The following TFEB variants were observed in gnomAD, a reference collection of about 807,000 sequenced individuals.
TFEB encodes transcription factor EB.
Under a neutral mutation model 48.0 loss-of-function variants are expected in TFEB, and 12 were observed. The observed-to-expected ratio is 0.25, with a 90% CI of 0.16 to 0.40. The LOEUF (loss-of-function observed/expected upper bound fraction) is 0.40, where lower values mean the gene tolerates loss of function less well. Among genes scored for constraint, TFEB ranks in the 10% least tolerant of loss-of-function variants. The pLI is 1.00. For missense variants in TFEB, 509 were observed against 640.3 expected (o/e 0.79, Z 2.21); for synonymous variants, 244 against 261.4 (o/e 0.93, Z 0.64).
chr6:41,731,694 C>T (rs1323657543), intron 1 of TFEB, among the ~76,000 whole-genome samples: 7 of 152,306 alleles, frequency 4.6e-5, no homozygotes, highest in Non-Finnish European at 7.4e-5. Context: ...ACTTTACTGC[C>T]GTCCCATTCT....
Position 41,715,921 on chromosome 6 carries a change from T to C in TFEB, c.-23+19429A>G, listed in dbSNP as rs115390912. The stretch of plus-strand genomic sequence containing the variant: ...TGCAGCCTTGCAGACATCACCACTG[T>C]CGTGGTGCCTGGCTATAACAACTTC... On this transcript the variant is annotated intron_variant, in intron 1 of 8. Transcript: ENST00000373033. 6.1e-3 allele frequency among the ~76,000 whole-genome samples: 925 copies of C among 152,228 alleles called. 6 individuals are homozygous for C. The highest frequency in any genetic ancestry group is 9.0e-3 in the Non-Finnish European group (615 of 68,010).
At chr6:41,698,012 G>C (rs1486633632) in intron 1 of TFEB, among the ~76,000 whole-genome samples, 2 of 151,954 alleles carry the variant, frequency 1.3e-5, no homozygotes, top group African/African-American at 4.8e-5. Context: ...TCTTTCTCTA[G>C]AATGAAGATG....
intron 1 of TFEB, among the ~76,000 whole-genome samples, chr6:41,718,062 G>C (rs1770812606): frequency 6.6e-6 from 1 of 152,180 alleles, no homozygotes; most frequent in Non-Finnish European, 1.5e-5. Context: ...TATATTTATG[G>C]AGTACAAGGT....
At chr6:41,726,024 G>C (rs914063109) in intron 1 of TFEB, among the ~76,000 whole-genome samples, 2 of 152,326 alleles carry the variant, frequency 1.3e-5, no homozygotes, top group East Asian at 3.9e-4. Flanking sequence ...TAGGAGAATC[G>C]CTTGAGCTGG....
At chr6:41,699,512 C>T (rs964836974) in intron 1 of TFEB, among the ~76,000 whole-genome samples, 13 of 152,164 alleles carry the variant, frequency 8.5e-5, no homozygotes, top group Non-Finnish European at 1.5e-5. Context: ...GTTTCCTCTC[C>T]AAAAGCCTTG....
At chr6:41,726,190 A>G (rs1771200498) in intron 1 of TFEB, among the ~76,000 whole-genome samples, 1 of 152,144 alleles carries the variant, frequency 6.6e-6, no homozygotes, top group South Asian at 2.1e-4. Flanking sequence ...TCACAAATAC[A>G]CTGTTGGGTG....
At position 41,723,003 on chromosome 6, in the gene TFEB, A is replaced by G. The variant is rs569225165; in HGVS notation, c.-23+12347T>C. Among the ~76,000 whole-genome samples the G allele has an allele frequency of 8.5e-5, 13 of 152,202 alleles. No individual in the cohort carries two copies. Among genetic ancestry groups the G allele is most frequent in the Non-Finnish European group, 1.6e-4 (11 of 68,032 alleles). On this transcript the variant is annotated intron_variant, in intron 1 of 8. Coordinates refer to ENST00000373033, the MANE Select transcript of TFEB (RefSeq NM_001271944.2). This position sits in a 1 kb window ranked among gnomAD's most constrained non-coding sequence, Gnocchi z 6.0. ...CTGCAAAACGACAGGGCCAGGATTC[A>G]AGCAGGTGGATGTAGAGCATATGCT...
chr6:41,694,663 C>T (rs559347895), intron 1 of TFEB, among the ~76,000 whole-genome samples: 1 of 152,114 alleles, frequency 6.6e-6, no homozygotes, highest in East Asian at 1.9e-4. Flanking sequence ...CCCCTGACAC[C>T]CAGTCTAGCC....
chr6:41,690,597 C>G, intron 3 of TFEB, 66 bp downstream of exon 3: 1 of 1,449,242 alleles, frequency 6.9e-7, no homozygotes, highest in Admixed American at 2.5e-5. Context: ...GACTGGGAGT[C>G]TCAGAAGCAC....
Position 41,735,586 on chromosome 6 carries a change from C to T in TFEB, c.-259G>A. On this transcript the variant is annotated 5_prime_UTR_variant, in exon 1 of 9. Coordinates refer to ENST00000373033, the MANE Select transcript of TFEB (RefSeq NM_001271944.2). ...TGTCACCGAGCCCCGCGCCCGGCGC[C>T]CGGGCTCCGGCTGTCACTCCACGCA... The T allele has an allele frequency of 2.0e-6, 2 of 983,694 alleles. No homozygotes were observed. The highest frequency in any genetic ancestry group is 2.4e-6 in the Non-Finnish European group (2 of 828,606). The allele number at this position is 983,694 out of a possible 1,614,324, so 60.9% of individuals were successfully genotyped here.
intron 1 of TFEB, among the ~76,000 whole-genome samples, chr6:41,697,507 C>CG (rs1164092760): frequency 2.7e-5 from 4 of 150,710 alleles, no homozygotes; most frequent in South Asian, 2.1e-4. Flanking sequence ...CTCCAAACCC[C>CG]CCCCCTTCCC....
rs989157910 is a variant in TFEB at position 41,684,013 on chromosome 6, G to A, written c.*586C>T. On this transcript the variant is annotated 3_prime_UTR_variant, in exon 9 of 9. Coordinates refer to ENST00000373033, the MANE Select transcript of TFEB (RefSeq NM_001271944.2). ...AGTGTTTACTAAAGGCACAAAGTGA[G>A]GGGTCGGAGGGCAGCTGCTCTTCCG... The A allele has an allele frequency of 4.5e-6, 1 of 224,142 alleles. No homozygotes were observed. The highest frequency in any genetic ancestry group is 2.2e-5 in the African/African-American group (1 of 44,752). The allele number at this position is 224,142 out of a possible 1,614,324, so 13.9% of individuals were successfully genotyped here.
At chr6:41,690,360 C>A (rs1458950022) in intron 3 of TFEB, among the ~76,000 whole-genome samples, 1 of 152,124 alleles carries the variant, frequency 6.6e-6, no homozygotes, top group Middle Eastern at 3.2e-3. Flanking sequence ...AAACTCCTGA[C>A]CTCAAGTGAT....
intron 1 of TFEB, among the ~76,000 whole-genome samples, chr6:41,696,310 G>A (rs562303196): frequency 5.3e-5 from 8 of 152,258 alleles, no homozygotes; most frequent in South Asian, 2.1e-4. Context: ...AAGCATCCAC[G>A]TGTTCACCAA....
chr6:41,697,343 G>A lies in TFEB; in HGVS notation c.-22-6108C>T, dbSNP rs921098197. Among the ~76,000 whole-genome samples, 5 of 137,400 alleles carry A rather than the reference G, an allele frequency of 3.6e-5. No individual in the cohort carries two copies. In the East Asian group the frequency reaches 1.1e-3, roughly 31 times the overall value. 90.1% of individuals were successfully genotyped at this position (137,400 alleles called of 152,430 possible). On this transcript the variant is annotated intron_variant, in intron 1 of 8. Coordinates refer to ENST00000373033, the MANE Select transcript of TFEB (RefSeq NM_001271944.2). ...GAATTGCTTGAACCCGGGAGGCAGA[G>A]GTTGCAGTGAACTGAGATCACACCA...
chr6:41,687,607 G>T, intron 6 of TFEB, 146 bp downstream of exon 6: 1 of 973,942 alleles, frequency 1.0e-6, no homozygotes, highest in Non-Finnish European at 1.6e-6. Flanking sequence ...CTGAGCGACA[G>T]CAATGGGAGG....
At chr6:41,690,068 G>A (rs1769215450) in intron 3 of TFEB, among the ~76,000 whole-genome samples, 2 of 152,272 alleles carry the variant, frequency 1.3e-5, no homozygotes, top group Admixed American at 1.3e-4. Context: ...CTGGCTTGGG[G>A]AGTGTGCTGG....
chr6:41,705,899 GC>G (rs1485798440), intron 1 of TFEB: 2 of 152,196 alleles, frequency 1.3e-5, no homozygotes, highest in African/African-American at 4.8e-5. Flanking sequence ...CAGATTCACT[GC>G]CGGGAGAGGC....
intron 1 of TFEB, among the ~76,000 whole-genome samples, chr6:41,728,988 C>G (rs919629954): frequency 5.3e-5 from 8 of 152,218 alleles, no homozygotes; most frequent in Admixed American, 3.3e-4. Context: ...ATATGAGGCT[C>G]TCTTCTAGGT....
Sources: allele counts gnomAD v4.1 joint callset (sites outside exome capture counted in the v4.1 genomes callset), GRCh38; gene constraint gnomAD v4.1.1; non-coding constraint Gnocchi (gnomAD v3.1); transcripts MANE v1.5; gene names NCBI Gene and HGNC (gene_info 2026-07-23, HGNC 2026-07-21).